The following HMGCLL1 variants were observed in gnomAD, a reference collection of about 807,000 sequenced individuals.
HMGCLL1 encodes 3-hydroxymethyl-3-methylglutaryl-CoA lyase, cytoplasmic.
Under a neutral mutation model 39.1 loss-of-function variants are expected in HMGCLL1, and 36 were observed. The observed-to-expected ratio is 0.92, with a 90% CI of 0.71 to 1.22. HMGCLL1 has a LOEUF of 1.22. Among genes scored for constraint, HMGCLL1 ranks in the 50% most tolerant of loss-of-function variants. The pLI, the probability that HMGCLL1 is intolerant of heterozygous loss-of-function variation, is 0.00. For synonymous variants in HMGCLL1, 149 were observed against 144.0 expected, an observed-to-expected ratio of 1.03 and a Z score of -0.25; for missense variants, 451 against 416.5, an observed-to-expected ratio of 1.08 and a Z score of -0.72.
At chr6:55,612,487 A>C in the HMGCLL1 span, among the ~76,000 whole-genome samples, 1 of 152,160 alleles carries the variant, frequency 6.6e-6, no homozygotes, top group African/African-American at 2.4e-5. Context: ...GAACCTGTAT[A>C]GAAAAGACAA....
chr6:55,563,937 G>C, intron 1 of HMGCLL1: 1 of 1,227,666 alleles, frequency 8.1e-7, no homozygotes, highest in Non-Finnish European at 1.1e-6. Flanking sequence ...GGAATGAGGA[G>C]CTGTTGAAAC....
At chr6:55,662,506 C>A in the HMGCLL1 span, among the ~76,000 whole-genome samples, 1 of 151,806 alleles carries the variant, frequency 6.6e-6, no homozygotes, top group Non-Finnish European at 1.5e-5. Context: ...GTATGTTGAA[C>A]TAACCTTGCA....
At chr6:55,585,219 GA>G in the HMGCLL1 span, among the ~76,000 whole-genome samples, 1 of 152,018 alleles carries the variant, frequency 6.6e-6, no homozygotes, top group East Asian at 1.9e-4. Flanking sequence ...AGCAAATACT[GA>G]AATCAGAACA....
the HMGCLL1 span, among the ~76,000 whole-genome samples, chr6:55,673,936 G>C: frequency 6.6e-6 from 1 of 151,882 alleles, no homozygotes; most frequent in Admixed American, 6.6e-5. Flanking sequence ...ACATCAGAGA[G>C]ATTTAAAAAA....
intron 1 of HMGCLL1, among the ~76,000 whole-genome samples, chr6:55,574,688 T>C (rs1771679004): frequency 6.6e-6 from 1 of 151,854 alleles, no homozygotes; most frequent in Non-Finnish European, 1.5e-5. Flanking sequence ...TGTCTGAAAA[T>C]TCCTCCTCAA....
chr6:55,471,028 C>A (rs1316011984), intron 7 of HMGCLL1, among the ~76,000 whole-genome samples: 1 of 150,492 alleles, frequency 6.6e-6, no homozygotes, highest in African/African-American at 2.5e-5. Flanking sequence ...ATCAGCATTA[C>A]AATATTTTAG....
chr6:55,666,571 G>A, the HMGCLL1 span, among the ~76,000 whole-genome samples: 2 of 151,622 alleles, frequency 1.3e-5, no homozygotes, highest in Non-Finnish European at 3.0e-5. Context: ...GAGAGACCAG[G>A]CCACAAATTA....
chr6:55,672,940 C>T, the HMGCLL1 span, among the ~76,000 whole-genome samples: 1 of 151,832 alleles, frequency 6.6e-6, no homozygotes, highest in East Asian at 1.9e-4. Flanking sequence ...TTAAGTATGT[C>T]AGGACTAAGA....
intron 1 of HMGCLL1, among the ~76,000 whole-genome samples, chr6:55,575,656 A>T (rs1465948770): frequency 6.6e-6 from 1 of 152,324 alleles, no homozygotes; most frequent in Non-Finnish European, 1.5e-5. Context: ...TCTCTGCCAG[A>T]TTCAACAATA....
chr6:55,579,311 A>G, upstream of HMGCLL1: 1 of 561,194 alleles, frequency 1.8e-6, no homozygotes, highest in Non-Finnish European at 3.2e-6. Context: ...TGAACAGGAG[A>G]GAAAGGAGCT....
rs73449046 is a variant in HMGCLL1 at position 55,523,880 on chromosome 6, A to C, written c.298-7277T>G. Among the ~76,000 whole-genome samples, 168 of 152,080 alleles carry C rather than the reference A, an allele frequency of 1.1e-3. 1 individual carries two copies. Among genetic ancestry groups the C allele is most frequent in the African/African-American group, 3.8e-3 (159 of 41,550 alleles). ...GTTGTAAGGAAATGAATCTGTTTTCATCCATGTGAAATCAAATGGAAATTT... is the reference window on the plus strand; with the variant it reads ...GTTGTAAGGAAATGAATCTGTTTTCCTCCATGTGAAATCAAATGGAAATTT... On this transcript the variant is annotated intron_variant, in intron 3 of 8. Coordinates refer to ENST00000274901, the MANE Select transcript of HMGCLL1 (RefSeq NM_001042406.2).
rs373953507 is a variant in HMGCLL1, at chr6:55,470,988, G to A, written c.795+24431C>T. On this transcript the variant is annotated intron_variant, in intron 7 of 8. Coordinates refer to ENST00000274901, the MANE Select transcript of HMGCLL1 (RefSeq NM_001042406.2). ...ACCTGTGGATTATAATTAGAGATGA[G>A]ATTTGGGTGGGGACACAGAGCCAAA... Among the ~76,000 whole-genome samples the A allele has an allele frequency of 1.4e-4, 22 of 151,784 alleles. No homozygotes were observed. In the East Asian group the frequency reaches 4.3e-3, roughly 29 times the overall value.
upstream of HMGCLL1, chr6:55,579,349 AT>A: frequency 2.0e-6 from 1 of 493,810 alleles, no homozygotes; most frequent in Non-Finnish European, 3.7e-6. Flanking sequence ...GGGGTGTCTC[AT>A]TTTCCGCACT....
the HMGCLL1 span, among the ~76,000 whole-genome samples, chr6:55,619,280 T>G: frequency 3.3e-5 from 5 of 152,096 alleles, no homozygotes; most frequent in South Asian, 2.1e-4. Flanking sequence ...TGAAAAAAAA[T>G]TATATAAAAA....
At chr6:55,473,445 T>C (rs1016149468) in intron 7 of HMGCLL1, among the ~76,000 whole-genome samples, 2 of 151,394 alleles carry the variant, frequency 1.3e-5, no homozygotes, top group African/African-American at 4.8e-5. Context: ...CAATACACCT[T>C]GTTAACTAAA....
chr6:55,446,290 T>C (rs1028987520), intron 7 of HMGCLL1, among the ~76,000 whole-genome samples: 3 of 148,280 alleles, frequency 2.0e-5, no homozygotes, highest in African/African-American at 7.3e-5. Flanking sequence ...TTTATTTAAA[T>C]ATTTATAACA....
intron 1 of HMGCLL1, among the ~76,000 whole-genome samples, chr6:55,551,955 A>G (rs1190081466): frequency 3.3e-5 from 5 of 152,018 alleles, no homozygotes; most frequent in South Asian, 4.1e-4. Context: ...CTGTCATAAT[A>G]TATTTCAAAG....
the HMGCLL1 span, among the ~76,000 whole-genome samples, chr6:55,586,767 A>G: frequency 1.6e-3 from 243 of 152,122 alleles, 1 homozygote; most frequent in African/African-American, 5.3e-3. Context: ...GGTGGTGTAT[A>G]TGTGCCACAT....
intron 1 of HMGCLL1, among the ~76,000 whole-genome samples, chr6:55,575,077 C>A (rs1459768388): frequency 6.6e-6 from 1 of 151,946 alleles, no homozygotes; most frequent in African/African-American, 2.4e-5. Flanking sequence ...AAAGGGGGAT[C>A]GCTTCACTAG....
Sources: gnomAD v4.1 joint callset for allele counts (sites outside exome capture counted in the v4.1 genomes callset) on GRCh38, gnomAD v4.1.1 for gene constraint, MANE v1.5 for transcripts, NCBI Gene and HGNC (gene_info 2026-07-23, HGNC 2026-07-21) for gene names.